The following PPM1H variants were observed in gnomAD, a reference collection of about 807,000 sequenced individuals.
PPM1H encodes protein phosphatase 1H.
In PPM1H, 27 loss-of-function variants were observed where a neutral mutation model predicts 54.9. The observed-to-expected ratio is 0.49, with a 90% CI of 0.36 to 0.68. PPM1H has a LOEUF of 0.68. Ranked by LOEUF, PPM1H falls within the 30% of genes least tolerant of loss-of-function variation. The pLI is 0.00. For missense variants in PPM1H, 596 were observed against 667.8 expected, an observed-to-expected ratio of 0.89 and a Z score of 1.19; for synonymous variants, 305 against 270.8, an observed-to-expected ratio of 1.13 and a Z score of -1.24.
At chr12:62,775,389 C>T (rs1478810854) in intron 4 of PPM1H, among the ~76,000 whole-genome samples, 1 of 152,124 alleles carries the variant, frequency 6.6e-6, no homozygotes, top group Non-Finnish European at 1.5e-5. Flanking sequence ...AGAGTTTAGT[C>T]TGGGCAGCTC....
chr12:62,831,458 T>C (rs1868355608), intron 2 of PPM1H, among the ~76,000 whole-genome samples: 1 of 152,078 alleles, frequency 6.6e-6, no homozygotes, highest in Admixed American at 6.6e-5. Flanking sequence ...TTCAACAGTG[T>C]TCAGTCTGCA....
intron 2 of PPM1H, among the ~76,000 whole-genome samples, chr12:62,805,447 C>T (rs1008723962): frequency 2.0e-5 from 3 of 152,144 alleles, no homozygotes; most frequent in African/African-American, 7.2e-5. Flanking sequence ...ACAACCTTAG[C>T]ATCCATCAAC....
In PPM1H at chr12:62,856,312, C is replaced by T. The variant is rs531202730; in HGVS notation, c.246-24033G>A. On this transcript the variant is annotated intron_variant, in intron 1 of 9. Transcript: ENST00000228705. ...TGGTTCTGCCTGGGTGGGGGCCTCTCTAATGAGCATAAGTTAAAGAGGGGG... is the reference window on the plus strand; with the variant it reads ...TGGTTCTGCCTGGGTGGGGGCCTCTTTAATGAGCATAAGTTAAAGAGGGGG... 5.4e-3 allele frequency among the ~76,000 whole-genome samples: 816 copies of T among 152,264 alleles called. 3 individuals carry two copies. Among genetic ancestry groups the T allele is most frequent in the Non-Finnish European group, 8.5e-3 (581 of 68,028 alleles).
chr12:62,674,255 T>A (rs2075973673), intron 8 of PPM1H, among the ~76,000 whole-genome samples: 1 of 152,130 alleles, frequency 6.6e-6, no homozygotes, highest in South Asian at 2.1e-4. Context: ...TGGGATTCAA[T>A]TCCCAAAGTC....
At chr12:62,700,373 G>A (rs975150176) in intron 6 of PPM1H, among the ~76,000 whole-genome samples, 1 of 151,874 alleles carries the variant, frequency 6.6e-6, no homozygotes, top group African/African-American at 2.4e-5. Flanking sequence ...TCTCTCCTTG[G>A]TCCTGCTATT....
chr12:62,914,578 G>A (rs996342994), intron 1 of PPM1H, among the ~76,000 whole-genome samples: 3 of 152,192 alleles, frequency 2.0e-5, no homozygotes, highest in African/African-American at 7.2e-5. Context: ...GACACAGGAC[G>A]CTAGGACAAC....
At chr12:62,794,334 T>C (rs568296872) in intron 3 of PPM1H, among the ~76,000 whole-genome samples, 2 of 152,376 alleles carry the variant, frequency 1.3e-5, no homozygotes, top group Admixed American at 1.3e-4. Flanking sequence ...AATTAATCTA[T>C]AAACACTAAT....
intron 4 of PPM1H, among the ~76,000 whole-genome samples, chr12:62,763,890 C>T (rs2120620816): frequency 6.6e-6 from 1 of 152,256 alleles, no homozygotes; most frequent in African/African-American, 2.4e-5. Context: ...CTCCTGGTTG[C>T]TTTTGAACAT....
At chr12:62,888,557 C>T (rs1338361328) in intron 1 of PPM1H, among the ~76,000 whole-genome samples, 3 of 152,060 alleles carry the variant, frequency 2.0e-5, no homozygotes, top group East Asian at 3.9e-4. Flanking sequence ...GTCAGAGATG[C>T]CAACATAAGA....
At chr12:62,682,861 G>T (rs142325497) in intron 8 of PPM1H, among the ~76,000 whole-genome samples, 2 of 149,678 alleles carry the variant, frequency 1.3e-5, no homozygotes, top group African/African-American at 4.9e-5. Context: ...TTTCTCTGTC[G>T]CCCAGGCTGG....
At chr12:62,931,806 A>T (rs2121195012) in intron 1 of PPM1H, among the ~76,000 whole-genome samples, 1 of 152,354 alleles carries the variant, frequency 6.6e-6, no homozygotes, top group African/African-American at 2.4e-5. Context: ...TAAGCACTAA[A>T]GAGTAAGCAT....
At chr12:62,838,279 G>A (rs1169701428) in intron 1 of PPM1H, among the ~76,000 whole-genome samples, 2 of 149,552 alleles carry the variant, frequency 1.3e-5, no homozygotes, top group East Asian at 2.0e-4. Flanking sequence ...GGGCCATCAG[G>A]TGAAGTGAGA....
intron 4 of PPM1H, among the ~76,000 whole-genome samples, chr12:62,783,753 G>A (rs1398789204): frequency 6.6e-6 from 1 of 152,240 alleles, no homozygotes; most frequent in African/African-American, 2.4e-5. Flanking sequence ...TCTGGCAAGA[G>A]TAGAATTATG....
At chr12:62,753,815 G>C (rs1216565688) in intron 4 of PPM1H, among the ~76,000 whole-genome samples, 1 of 152,168 alleles carries the variant, frequency 6.6e-6, no homozygotes. Context: ...CAGATAAGGG[G>C]GATCAGGGCG....
At chr12:62,774,018 C>G (rs75224811) in intron 4 of PPM1H, among the ~76,000 whole-genome samples, 378 of 152,174 alleles carry the variant, frequency 2.5e-3, no homozygotes, top group African/African-American at 8.6e-3. Context: ...GACCAGCATT[C>G]CCCCCCAAAC....
chr12:62,759,807 G>A (rs529632310), intron 4 of PPM1H, among the ~76,000 whole-genome samples: 18 of 150,514 alleles, frequency 1.2e-4, no homozygotes, highest in African/African-American at 4.2e-4. Flanking sequence ...CCACTTTCCT[G>A]GGGGGCAAGC....
At chr12:62,861,889 G>A (rs1242320078) in intron 1 of PPM1H, among the ~76,000 whole-genome samples, 1 of 152,220 alleles carries the variant, frequency 6.6e-6, no homozygotes, top group Non-Finnish European at 1.5e-5. Context: ...GCATTTCAAG[G>A]AAAGCCAAGA....
chr12:62,701,093 T>C (rs1022331467), intron 6 of PPM1H, among the ~76,000 whole-genome samples: 2 of 152,268 alleles, frequency 1.3e-5, no homozygotes, highest in Non-Finnish European at 2.9e-5. Flanking sequence ...ATATAATGGG[T>C]ACCCAATAAA....
chr12:62,831,972 T>C (rs2091048841), intron 2 of PPM1H, 142 bp downstream of exon 2: 2 of 965,990 alleles, frequency 2.1e-6, no homozygotes, highest in Admixed American at 2.6e-5. Flanking sequence ...GTCGTGACGA[T>C]AGGCCCGCCA....
Sources: allele counts gnomAD v4.1 joint callset (sites outside exome capture counted in the v4.1 genomes callset), GRCh38; gene constraint gnomAD v4.1.1; transcripts MANE v1.5; gene names NCBI Gene and HGNC (gene_info 2026-07-23, HGNC 2026-07-21).